The following CDK14 variants were observed in gnomAD, a reference collection of about 807,000 sequenced individuals.
The protein encoded by CDK14 is cyclin-dependent kinase 14.
Under a neutral mutation model 60.7 loss-of-function variants are expected in CDK14, and 34 were observed. The ratio of observed to expected loss-of-function variants is 0.56; its 90% CI spans 0.43 to 0.75. The LOEUF (loss-of-function observed/expected upper bound fraction) is 0.75. Among genes scored for constraint, CDK14 ranks in the 30% least tolerant of loss-of-function variants. The pLI, the probability that CDK14 is intolerant of heterozygous loss-of-function variation, is 0.00. For missense variants in CDK14, 482 were observed against 564.1 expected, an observed-to-expected ratio of 0.85 and a Z score of 1.47; for synonymous variants, 197 against 203.7, an observed-to-expected ratio of 0.97 and a Z score of 0.28.
chr7:90,857,124 A>AC (rs996235516), intron 5 of CDK14, among the ~76,000 whole-genome samples: 2 of 152,012 alleles, frequency 1.3e-5, no homozygotes, highest in African/African-American at 4.8e-5. Flanking sequence ...GGAAAAAAAA[A>AC]ACACACCACT....
At chr7:90,798,601 C>T (rs1417513626) in intron 5 of CDK14, among the ~76,000 whole-genome samples, 1 of 152,164 alleles carries the variant, frequency 6.6e-6, no homozygotes, top group Non-Finnish European at 1.5e-5. Flanking sequence ...AGGAAAGCAC[C>T]ATGCACAGTA....
chr7:90,621,667 T>TCCTG (rs1305904021), intron 2 of CDK14, among the ~76,000 whole-genome samples: 7 of 140,628 alleles, frequency 5.0e-5, no homozygotes, highest in Non-Finnish European at 9.4e-5. Context: ...CTTCCTTCCT[T>TCCTG]CCTGCCTTCC....
intron 5 of CDK14, among the ~76,000 whole-genome samples, chr7:90,796,693 A>T (rs1420477137): frequency 6.6e-6 from 1 of 152,022 alleles, no homozygotes; most frequent in Non-Finnish European, 1.5e-5. Context: ...ACCTTGTTAG[A>T]TTTCAACAGG....
chr7:91,147,151 C>CTG (rs1800668081), intron 14 of CDK14, among the ~76,000 whole-genome samples: 5 of 103,342 alleles, frequency 4.8e-5, no homozygotes, highest in African/African-American at 1.1e-4. Context: ...GTCTCTCTCT[C>CTG]TCTCTCTCTC....
At chr7:91,134,166 T>C (rs888368832) in intron 14 of CDK14, among the ~76,000 whole-genome samples, 17 of 152,244 alleles carry the variant, frequency 1.1e-4, no homozygotes, top group African/African-American at 4.1e-4. Flanking sequence ...ATATGTACTT[T>C]CCTATGCCAA....
chr7:91,010,161 C>T (rs550998830), intron 10 of CDK14, among the ~76,000 whole-genome samples: 2 of 151,672 alleles, frequency 1.3e-5, no homozygotes, highest in Non-Finnish European at 3.0e-5. Flanking sequence ...TCTTGATTAC[C>T]GTGGCTCTAT....
At chr7:91,026,079 G>A (rs982452556) in intron 10 of CDK14, among the ~76,000 whole-genome samples, 5 of 151,914 alleles carry the variant, frequency 3.3e-5, no homozygotes, top group African/African-American at 7.3e-5. Context: ...TGGTTGGGCT[G>A]TCCCTTTGCT....
At chr7:90,953,296 C>T (rs924994739) in intron 8 of CDK14, among the ~76,000 whole-genome samples, 1 of 152,102 alleles carries the variant, frequency 6.6e-6, no homozygotes, top group Non-Finnish European at 1.5e-5. Flanking sequence ...CATTTACATG[C>T]AAACCATTTT....
chr7:90,727,372 G>A (rs1802682080), intron 3 of CDK14, among the ~76,000 whole-genome samples: 1 of 151,978 alleles, frequency 6.6e-6, no homozygotes, highest in African/African-American at 2.4e-5. Flanking sequence ...TAGGACCAAA[G>A]GAAAGAAGAG....
intron 6 of CDK14, among the ~76,000 whole-genome samples, chr7:90,895,702 A>G (rs939337121): frequency 4.8e-5 from 7 of 144,400 alleles, no homozygotes; most frequent in Non-Finnish European, 9.0e-5. Context: ...CTGGGATTGC[A>G]TGCACTTGCC....
intron 12 of CDK14, among the ~76,000 whole-genome samples, chr7:91,089,838 A>T (rs1393501275): frequency 6.6e-6 from 1 of 152,180 alleles, no homozygotes; most frequent in African/African-American, 2.4e-5. Context: ...GCACATCATT[A>T]TATTTATAAA....
chr7:90,682,686 A>G (rs1563043132), intron 2 of CDK14, among the ~76,000 whole-genome samples: 1 of 152,030 alleles, frequency 6.6e-6, no homozygotes, highest in East Asian at 1.9e-4. Context: ...GCTTCTGTTC[A>G]CCTCAGTGCA....
At chr7:90,775,635 C>CTTCCCCTCCCCCTTCCCCTCCCCT (rs1805000944) in intron 4 of CDK14, among the ~76,000 whole-genome samples, 1 of 92,332 alleles carries the variant, frequency 1.1e-5, no homozygotes, top group East Asian at 3.0e-4. Flanking sequence ...CCCCCTCCCC[C>CTTCCCCTCCCCCTTCCCCTCCCCT]TTCCCCTCCC....
intron 2 of CDK14, among the ~76,000 whole-genome samples, chr7:90,656,553 T>A (rs1405240856): frequency 6.6e-6 from 1 of 152,072 alleles, no homozygotes; most frequent in Non-Finnish European, 1.5e-5. Context: ...CTAATTTTTT[T>A]ATTTTTAGTA....
intron 14 of CDK14, among the ~76,000 whole-genome samples, chr7:91,141,711 AC>A (rs1800466449): frequency 6.6e-6 from 1 of 152,262 alleles, no homozygotes; most frequent in South Asian, 2.1e-4. Context: ...TCTTTCTCTT[AC>A]TTTTCCAAAA....
chr7:90,733,581 T>C (rs1204218909), intron 3 of CDK14, among the ~76,000 whole-genome samples: 1 of 152,214 alleles, frequency 6.6e-6, no homozygotes, highest in African/African-American at 2.4e-5. Context: ...AATGTCCTTC[T>C]TTGTTTCTTT....
At chr7:90,998,187 G>T (rs1795739668) in intron 10 of CDK14, among the ~76,000 whole-genome samples, 1 of 152,142 alleles carries the variant, frequency 6.6e-6, no homozygotes, top group Non-Finnish European at 1.5e-5. Context: ...AAATATTTTA[G>T]ATGAATATAA....
intron 2 of CDK14, among the ~76,000 whole-genome samples, chr7:90,684,926 A>G (rs1345454363): frequency 6.6e-6 from 1 of 151,302 alleles, no homozygotes; most frequent in Non-Finnish European, 1.5e-5. Context: ...ATATTTTCAT[A>G]TATATAGTGA....
chr7:90,790,032 C>G (rs1322467025), intron 4 of CDK14, among the ~76,000 whole-genome samples: 4 of 148,634 alleles, frequency 2.7e-5, no homozygotes, highest in East Asian at 2.0e-4. Flanking sequence ...TAAAGCACAA[C>G]TAGACCAAAT....
Sources: allele counts gnomAD v4.1 joint callset (sites outside exome capture counted in the v4.1 genomes callset), GRCh38; gene constraint gnomAD v4.1.1; transcripts MANE v1.5; gene names NCBI Gene and HGNC (gene_info 2026-07-23, HGNC 2026-07-21).